Variants in HERC1 observed in about 807,000 individuals in gnomAD.
HERC1 encodes HECT and RLD domain containing E3 ubiquitin protein ligase family member 1.
HERC1 carries 160 observed loss-of-function variants against 554.3 expected under a neutral mutation model. The ratio of observed to expected loss-of-function variants is 0.29; its 90% CI spans 0.25 to 0.33. The LOEUF is 0.33. Among genes scored for constraint, HERC1 ranks in the 10% least tolerant of loss-of-function variants. The pLI is 1.00. For missense variants in HERC1, 4,919 were observed against 5,918.5 expected (o/e 0.83, Z 5.54); for synonymous variants, 2,175 against 2,131.7 (o/e 1.02, Z -0.56).
chr15:63,745,491 A>G (rs1232527931), intron 12 of HERC1, among the ~76,000 whole-genome samples: 1 of 152,158 alleles, frequency 6.6e-6, no homozygotes, highest in Non-Finnish European at 1.5e-5. Context: ...CCCTCTGTGC[A>G]CAGGTGTCAG....
Position 63,756,882 on chromosome 15 carries a change from A to T in HERC1, c.1222-134T>A. ...GCATGATTCTCCAGAGAGATTAAGG[A>T]ATATACAGAAATCTAAGAGAACACG... is the stretch of plus-strand genomic sequence containing the variant. On this transcript the variant is annotated intron_variant, in intron 4 of 77. Transcript: ENST00000443617. The surrounding 1 kb of genome is among the most constrained non-coding windows in gnomAD (Gnocchi z 5.0). The T allele has an allele frequency of 1.7e-6, 1 of 594,626 alleles. No homozygotes were observed. The highest frequency in any genetic ancestry group is 2.8e-5 in the East Asian group (1 of 35,422). The allele number at this position is 594,626 out of a possible 1,614,324, so 36.8% of individuals were successfully genotyped here. A position where few individuals can be genotyped will look rare whatever the true frequency, so the allele number is the denominator to read the frequency against.
At chr15:63,786,167 T>G (rs1246798422) in intron 1 of HERC1, among the ~76,000 whole-genome samples, 1 of 150,460 alleles carries the variant, frequency 6.6e-6, no homozygotes, top group African/African-American at 2.5e-5. Flanking sequence ...CAGGTTAAAG[T>G]GGGAGGACTG....
intron 77 of HERC1, among the ~76,000 whole-genome samples, chr15:63,610,677 C>G (rs1482100522): frequency 6.6e-6 from 1 of 152,254 alleles, no homozygotes; most frequent in Non-Finnish European, 1.5e-5. Context: ...AGCAGAGCAG[C>G]AGCCTGCAGC....
At chr15:63,806,778 C>G (rs2077152698) in intron 1 of HERC1, among the ~76,000 whole-genome samples, 1 of 152,178 alleles carries the variant, frequency 6.6e-6, no homozygotes, top group African/African-American at 2.4e-5. Context: ...AGAGATTGCC[C>G]CCACCCACTC....
chr15:63,656,173 C>A lies in HERC1; in HGVS notation c.9785G>T (p.Cys3262Phe). The A allele has an allele frequency of 2.5e-6, 4 of 1,612,666 alleles. No individual in the cohort carries two copies. Among genetic ancestry groups the A allele is most frequent in the Non-Finnish European group, 3.4e-6 (4 of 1,179,276 alleles). Residue 3262 changes from cysteine to phenylalanine, a missense_variant, in exon 49 of 78, where the codon TGC becomes TTC. Around this residue, in one of 11 missense-constraint regions of HERC1, gnomAD observed 1,963 missense variants for 2,228.6 expected, o/e 0.88. Coordinates refer to ENST00000443617, the MANE Select transcript of HERC1 (RefSeq NM_003922.4). ...CACTGCTGTGCTCAAATAGGCCAGG[C>A]AAGAGATAGGCTTGTTAGCCTTGCT... The part of the protein sequence containing the change: ...GHSKANKPIS[C>F]LAYLSTAVGC...
chr15:63,786,511 C>T (rs2076450309), intron 1 of HERC1, among the ~76,000 whole-genome samples: 1 of 151,998 alleles, frequency 6.6e-6, no homozygotes, highest in African/African-American at 2.4e-5. Context: ...AAATGACCAT[C>T]AAGATATGAA....
At chr15:63,637,447 G>T in intron 64 of HERC1, 58 bp downstream of exon 64, 2 of 1,456,394 alleles carry the variant, frequency 1.4e-6, no homozygotes, top group South Asian at 2.5e-5. Flanking sequence ...AGGTTTGTAC[G>T]ACCAAACCTA....
At chr15:63,739,908 A>G (rs1443839709) in intron 12 of HERC1, among the ~76,000 whole-genome samples, 2 of 151,180 alleles carry the variant, frequency 1.3e-5, no homozygotes, top group African/African-American at 4.9e-5. Flanking sequence ...TTCACTTAGC[A>G]TATTTTATTT....
chr15:63,768,005 C>T (rs1315801903), intron 2 of HERC1, among the ~76,000 whole-genome samples: 1 of 151,726 alleles, frequency 6.6e-6, no homozygotes, highest in Non-Finnish European at 1.5e-5. Flanking sequence ...CGTTATCGCC[C>T]CACCCCATTA....
At chr15:63,723,479 C>G in intron 18 of HERC1, 124 bp from the exon 19 acceptor site, 1 of 677,254 alleles carries the variant, frequency 1.5e-6, no homozygotes, top group Non-Finnish European at 2.4e-6. Flanking sequence ...GTAGATGCTA[C>G]CAAGGTAAAG....
intron 24 of HERC1, among the ~76,000 whole-genome samples, chr15:63,710,308 A>G (rs1205456013): frequency 3.3e-5 from 5 of 152,232 alleles, no homozygotes; most frequent in Non-Finnish European, 7.3e-5. Context: ...TTTGGAAAGA[A>G]GTGTCTAAGG....
At chr15:63,640,574 A>G in intron 60 of HERC1, 129 bp from the exon 61 acceptor site, 1 of 788,022 alleles carries the variant, frequency 1.3e-6, no homozygotes, top group Non-Finnish European at 2.0e-6. Flanking sequence ...GCTAGGAAAT[A>G]ATTTTAGATT....
intron 1 of HERC1, among the ~76,000 whole-genome samples, chr15:63,785,178 A>G (rs1304473606): frequency 1.3e-5 from 2 of 152,208 alleles, no homozygotes; most frequent in Non-Finnish European, 2.9e-5. Context: ...TAATCCCAAC[A>G]TTTTAAGAGG....
In HERC1 at chr15:63,734,619, G is replaced by T; in HGVS notation, c.2646+105C>A. On this transcript the variant is annotated intron_variant, in intron 13 of 77. Coordinates refer to ENST00000443617, the MANE Select transcript of HERC1 (RefSeq NM_003922.4). The surrounding 1 kb of genome is among the most constrained non-coding windows in gnomAD (Gnocchi z 4.6). ...CCAGCACAACACATTAACCCATCAA[G>T]TACTTATGCTCCAAGAACACATGGC... 1 of 924,142 alleles carries T rather than the reference G, an allele frequency of 1.1e-6. No individual in the cohort carries two copies. Among genetic ancestry groups the T allele is most frequent in the Non-Finnish European group, 1.6e-6 (1 of 632,036 alleles). 57.2% of individuals were successfully genotyped at this position (924,142 alleles called of 1,614,324 possible). A position where few individuals can be genotyped will look rare whatever the true frequency, so the allele number is the denominator to read the frequency against.
chr15:63,632,427 T>G (rs2068601719), intron 68 of HERC1: 2 of 451,846 alleles, frequency 4.4e-6, no homozygotes, highest in South Asian at 4.2e-5. Context: ...TGTGGCAGCA[T>G]GTCAAGGGCA....
chr15:63,753,088 A>AT lies in HERC1; in HGVS notation c.1775-4dup, dbSNP rs780118831. 3 of 1,586,612 alleles carry AT rather than the reference A, an allele frequency of 1.9e-6. No individual in the cohort carries two copies. The highest frequency in any genetic ancestry group is 1.8e-5 in the Admixed American group (1 of 55,484). On this transcript the variant is annotated splice_region_variant and splice_polypyrimidine_tract_variant and intron_variant, in intron 7 of 77. Transcript: ENST00000443617. ...GGTATCACCATGACCAAGTTTACCT[A>AT]TAAAAACAAACACATTAAACAATTT...
chr15:63,778,753 G>A (rs565413805), intron 1 of HERC1, among the ~76,000 whole-genome samples: 5 of 152,150 alleles, frequency 3.3e-5, no homozygotes, highest in Non-Finnish European at 7.4e-5. Context: ...AGTGCATACA[G>A]AGCTATTGCA....
chr15:63,624,916 T>C (rs2068235434), intron 71 of HERC1, among the ~76,000 whole-genome samples: 1 of 152,226 alleles, frequency 6.6e-6, no homozygotes, highest in African/African-American at 2.4e-5. Flanking sequence ...GCCCCATTAA[T>C]AATTTCATCT....
At chr15:63,726,097 T>C (rs1311417998) in intron 17 of HERC1, among the ~76,000 whole-genome samples, 1 of 152,180 alleles carries the variant, frequency 6.6e-6, no homozygotes, top group Non-Finnish European at 1.5e-5. Context: ...TTCTCCTGTC[T>C]CAGCCTCCCA....
Sources: gnomAD v4.1 joint callset for allele counts (sites outside exome capture counted in the v4.1 genomes callset) on GRCh38, gnomAD v4.1.1 for gene constraint, gnomAD v4.1.1 regional missense constraint, Gnocchi (gnomAD v3.1) non-coding constraint, MANE v1.5 for transcripts, NCBI Gene and HGNC (gene_info 2026-07-23, HGNC 2026-07-21) for gene names.